Variants in SCN8A observed in about 807,000 individuals in gnomAD.
The protein encoded by SCN8A is sodium channel protein type 8 subunit alpha.
SCN8A carries 30 observed loss-of-function variants against 184.1 expected under a neutral mutation model. The observed-to-expected ratio is 0.16, with a 90% confidence interval of 0.12 to 0.22. SCN8A has a LOEUF of 0.22. Ranked by LOEUF, SCN8A falls within the 10% of genes least tolerant of loss-of-function variation. SCN8A has a pLI of 1.00. For missense variants in SCN8A, 1,057 were observed against 2,498.9 expected, an observed-to-expected ratio of 0.42 and a Z score of 12.30; for synonymous variants, 852 against 907.0, an observed-to-expected ratio of 0.94 and a Z score of 1.09.
chr12:51,797,372 A>G (rs1938440288), intron 26 of SCN8A, among the ~76,000 whole-genome samples: 1 of 151,332 alleles, frequency 6.6e-6, no homozygotes, highest in Non-Finnish European at 1.5e-5. Flanking sequence ...TTTTCCTAGT[A>G]CAAGTGTATA....
intron 1 of SCN8A, among the ~76,000 whole-genome samples, chr12:51,599,505 C>G (rs1939419286): frequency 6.6e-6 from 1 of 152,110 alleles, no homozygotes. Context: ...GTGAGAATCT[C>G]CTTGTGGCAG....
At chr12:51,708,595 A>G (rs1476209672) in intron 11 of SCN8A, among the ~76,000 whole-genome samples, 2 of 152,080 alleles carry the variant, frequency 1.3e-5, no homozygotes, top group Admixed American at 1.3e-4. Flanking sequence ...TGCATCTCTC[A>G]CTTTCCGGTT....
intron 11 of SCN8A, among the ~76,000 whole-genome samples, chr12:51,708,048 G>A (rs1217399347): frequency 6.6e-6 from 1 of 152,094 alleles, no homozygotes; most frequent in East Asian, 1.9e-4. Flanking sequence ...ATCACCTTTG[G>A]CAGACTTGCT....
chr12:51,752,141 T>A (rs544441943), intron 14 of SCN8A, among the ~76,000 whole-genome samples: 57 of 152,088 alleles, frequency 3.7e-4, no homozygotes, highest in African/African-American at 1.2e-3. Context: ...TATGTAGTTT[T>A]AAAAAAAATA....
chr12:51,653,991 A>G (rs1395924769), intron 1 of SCN8A, among the ~76,000 whole-genome samples: 13 of 152,088 alleles, frequency 8.5e-5, no homozygotes, highest in African/African-American at 2.4e-4. Flanking sequence ...GGTCATTTTT[A>G]TATCTGTTTT....
chr12:51,712,803 A>G, intron 11 of SCN8A: 3 of 1,175,542 alleles, frequency 2.6e-6, no homozygotes, highest in South Asian at 2.4e-5. Flanking sequence ...TTCCAAATCC[A>G]TTATATCCAC....
rs1938716808 is a variant in SCN8A at position 51,806,899 on chromosome 12, T to A, written c.5413T>A (p.Tyr1805Asn). The stretch of plus-strand genomic sequence containing the variant: ...CCCCGATGCCACCCAGTTCATTGAG[T>A]ACTGTAAGCTGGCAGACTTTGCAGA... ...FDPDATQFIE[Y>N]CKLADFADAL... is the part of the protein sequence containing the mutation. Residue 1805 changes from tyrosine to asparagine, a missense_variant, in exon 27 of 27, where the codon TAC (tyrosine) becomes AAC (asparagine). Around this residue, in one of 19 missense-constraint regions of SCN8A, gnomAD observed 50 missense variants for 125.8 expected, o/e 0.40. Coordinates refer to ENST00000627620, the MANE Select transcript of SCN8A (RefSeq NM_001330260.2). This position sits in a 1 kb window ranked among gnomAD's most constrained non-coding sequence, Gnocchi z 8.7. The A allele has an allele frequency of 6.2e-7, 1 of 1,613,222 alleles. No homozygotes were observed. The highest frequency in any genetic ancestry group is 1.7e-5 in the Admixed American group (1 of 59,980).
intron 2 of SCN8A, among the ~76,000 whole-genome samples, chr12:51,678,945 G>A (rs1005726647): frequency 1.7e-4 from 25 of 149,382 alleles, no homozygotes; most frequent in African/African-American, 3.4e-4. Flanking sequence ...GCATGGTGGC[G>A]GGCGCCTGTA....
rs1157259562 is a variant in SCN8A at position 51,808,669 on chromosome 12, A to C, written c.*1240A>C. On this transcript the variant is annotated 3_prime_UTR_variant, in exon 27 of 27. Transcript: ENST00000627620. Reference sequence around the variant, plus strand: ...TTTGGGGAACTTAAAATGACCTTTCATTGGGAGTTATGGGGTGCTCATTTC... The same window carrying C: ...TTTGGGGAACTTAAAATGACCTTTCCTTGGGAGTTATGGGGTGCTCATTTC... The C allele has an allele frequency of 6.6e-6, 1 of 152,148 alleles. No homozygotes were observed. The highest frequency in any genetic ancestry group is 1.5e-5 in the Non-Finnish European group (1 of 68,018). The allele number at this position is 152,148 out of a possible 1,614,324, so 9.4% of individuals were successfully genotyped here.
chr12:51,772,225 G>A (rs113082094), intron 19 of SCN8A, among the ~76,000 whole-genome samples: 11,375 of 151,906 alleles, frequency 0.075, 817 homozygotes, highest in African/African-American at 0.18. Context: ...GAGAAACCAC[G>A]TCTCTAGTAA....
chr12:51,689,542 G>T, intron 6 of SCN8A: 1 of 151,746 alleles, frequency 6.6e-6, no homozygotes, highest in Non-Finnish European at 1.5e-5. Flanking sequence ...CTATATTAAT[G>T]AAATTTTTTA....
chr12:51,645,811 A>G (rs1490246806), intron 1 of SCN8A, among the ~76,000 whole-genome samples: 1 of 149,382 alleles, frequency 6.7e-6, no homozygotes, highest in African/African-American at 2.5e-5. Flanking sequence ...GGACACAAAC[A>G]CTGCGGAAGG....
At chr12:51,704,742 A>AGGCG (rs1941751859) in intron 9 of SCN8A, among the ~76,000 whole-genome samples, 1 of 151,280 alleles carries the variant, frequency 6.6e-6, no homozygotes, top group Non-Finnish European at 1.5e-5. Context: ...TGGGAGGCCG[A>AGGCG]GGCGGGTGGA....
chr12:51,600,546 G>A (rs924243132), intron 1 of SCN8A, among the ~76,000 whole-genome samples: 3 of 152,186 alleles, frequency 2.0e-5, no homozygotes, highest in African/African-American at 4.8e-5. Flanking sequence ...TATGAAAAAT[G>A]TCAGACTTGA....
chr12:51,691,216 C>T (rs989953126), intron 6 of SCN8A, among the ~76,000 whole-genome samples: 67 of 152,102 alleles, frequency 4.4e-4, no homozygotes, highest in Non-Finnish European at 8.7e-4. Flanking sequence ...CTTTATGTTC[C>T]TGTGATCTCA....
intron 12 of SCN8A, among the ~76,000 whole-genome samples, chr12:51,726,926 G>A (rs1023593090): frequency 2.6e-5 from 4 of 152,198 alleles, no homozygotes; most frequent in African/African-American, 7.2e-5. Context: ...TTGGGAAGGG[G>A]ATTATGGCTA....
At chr12:51,606,474 T>C (rs1939595207) in intron 1 of SCN8A, among the ~76,000 whole-genome samples, 1 of 152,270 alleles carries the variant, frequency 6.6e-6, no homozygotes, top group Non-Finnish European at 1.5e-5. Context: ...AGTACCACAC[T>C]GTTTTGGTGA....
At chr12:51,662,707 T>C in intron 1 of SCN8A, 57 bp from the exon 2 acceptor site, 4 of 1,070,888 alleles carry the variant, frequency 3.7e-6, no homozygotes, top group Non-Finnish European at 5.4e-6. Context: ...TGGTTTAGTC[T>C]GGCCTCTTTT....
intron 16 of SCN8A, among the ~76,000 whole-genome samples, chr12:51,767,243 C>T (rs1942852430): frequency 6.6e-6 from 1 of 152,152 alleles, no homozygotes; most frequent in Non-Finnish European, 1.5e-5. Flanking sequence ...CTTTGCCACC[C>T]TTTCTTCACT....
Sources: gnomAD v4.1 joint callset for allele counts (sites outside exome capture counted in the v4.1 genomes callset) on GRCh38, gnomAD v4.1.1 for gene constraint, gnomAD v4.1.1 regional missense constraint, Gnocchi (gnomAD v3.1) non-coding constraint, MANE v1.5 for transcripts, NCBI Gene and HGNC (gene_info 2026-07-23, HGNC 2026-07-21) for gene names.